Variants in PITHD1 observed in about 807,000 individuals in gnomAD.
The protein encoded by PITHD1 is PITH domain-containing protein 1.
Under a neutral mutation model 27.5 loss-of-function variants are expected in PITHD1, and 8 were observed. That is an observed-to-expected ratio of 0.29 (90% CI 0.17 to 0.52). The LOEUF (loss-of-function observed/expected upper bound fraction) is 0.52, where lower values mean the gene tolerates loss of function less well. Ranked by LOEUF, PITHD1 falls within the 20% of genes least tolerant of loss-of-function variation. The probability of loss-of-function intolerance (pLI) is 0.96; values close to 1 mark genes in which losing one functional copy is unlikely to be tolerated. For synonymous variants in PITHD1, 118 were observed against 106.8 expected (o/e 1.10, Z -0.64); for missense variants, 233 against 283.9 (o/e 0.82, Z 1.29).
chr1:23,783,392 TATATACGC>T (rs1557467186), intron 3 of PITHD1, among the ~76,000 whole-genome samples: 1 of 79,602 alleles, frequency 1.3e-5, no homozygotes. Context: ...TATATATACA[TATATACGC>T]ATATATACAC....
intron 3 of PITHD1, among the ~76,000 whole-genome samples, chr1:23,784,694 G>GA (rs1214656604): frequency 6.6e-6 from 1 of 151,976 alleles, no homozygotes; most frequent in Non-Finnish European, 1.5e-5. Context: ...ATTACTCTTT[G>GA]AAAAACATTT....
Position 23,779,493 on chromosome 1 carries a change from C to T in PITHD1, c.242+12C>T. On this transcript the variant is annotated intron_variant, in intron 2 of 5. Coordinates refer to ENST00000246151, the MANE Select transcript of PITHD1 (RefSeq NM_020362.5). The stretch of plus-strand genomic sequence containing the variant: ...CTGTTTAATATTCCGTAAGTATCTC[C>T]TTGGTGCCTACCTCAGGCTAAATAG... 3 of 1,604,560 alleles carry T rather than the reference C, an allele frequency of 1.9e-6. No individual in the cohort carries two copies. The highest frequency in any genetic ancestry group is 1.1e-5 in the South Asian group (1 of 90,952).
rs1418894881 is a variant in PITHD1 at position 23,788,113 on chromosome 1, T to TAA, written c.*738_*739insAA. 2.6e-5 allele frequency: 4 copies of TAA among 152,232 alleles called. No homozygotes were observed. The highest frequency in any genetic ancestry group is 6.5e-5 in the Admixed American group (1 of 15,276). The allele number at this position is 152,232 out of a possible 1,614,324, so 9.4% of individuals were successfully genotyped here. A position where few individuals can be genotyped will look rare whatever the true frequency, so the allele number is the denominator to read the frequency against. On this transcript the variant is annotated 3_prime_UTR_variant, in exon 6 of 6. Coordinates refer to ENST00000246151, the MANE Select transcript of PITHD1 (RefSeq NM_020362.5). ...TTCCCCTTGGAAATTCCTTAATGTT[T>TAA]ATTAGCTTCTAACTAGTGTTGTAAG...
chr1:23,783,651 C>T (rs1408730879), intron 3 of PITHD1, among the ~76,000 whole-genome samples: 9 of 151,554 alleles, frequency 5.9e-5, no homozygotes, highest in South Asian at 4.2e-4. Context: ...GACAGGGTTT[C>T]GCCATGTTGA....
Position 23,778,486 on chromosome 1 carries a change from C to T in PITHD1, c.-30C>T. Reference sequence around the variant, plus strand: ...GAGCCGAGCGAGCGCGGCGGTGGGGCCGAGAGGACGCGCAGGTGGCGGCGT... The same window carrying T: ...GAGCCGAGCGAGCGCGGCGGTGGGGTCGAGAGGACGCGCAGGTGGCGGCGT... On this transcript the variant is annotated 5_prime_UTR_variant, in exon 1 of 6. Transcript: ENST00000246151. The T allele has an allele frequency of 1.5e-6, 2 of 1,334,170 alleles. No individual in the cohort carries two copies. Among genetic ancestry groups the T allele is most frequent in the Non-Finnish European group, 1.9e-6 (2 of 1,045,648 alleles). 82.6% of individuals were successfully genotyped at this position (1,334,170 alleles called of 1,614,324 possible).
chr1:23,782,696 A>C (rs1264804908), intron 3 of PITHD1, among the ~76,000 whole-genome samples: 1 of 151,726 alleles, frequency 6.6e-6, no homozygotes. Flanking sequence ...CGACCTCCTC[A>C]GTTCAAGCAA....
At chr1:23,779,167 C>T (rs1197349018) in intron 1 of PITHD1, among the ~76,000 whole-genome samples, 2 of 152,196 alleles carry the variant, frequency 1.3e-5, no homozygotes, top group African/African-American at 4.8e-5. Context: ...TGCACATAAA[C>T]ACCTGCCTTT....
At chr1:23,785,487 T>A (rs1638668593) in intron 3 of PITHD1, among the ~76,000 whole-genome samples, 188 bp from the exon 4 acceptor site, 2 of 146,860 alleles carry the variant, frequency 1.4e-5, no homozygotes. Flanking sequence ...AGTGAGACTC[T>A]GTCTCAAAAA....
In PITHD1 at chr1:23,787,468, T is replaced by G. The variant is rs111948422; in HGVS notation, c.*92T>G. On this transcript the variant is annotated 3_prime_UTR_variant, in exon 6 of 6. Transcript: ENST00000246151. ...CAAAGGGATGAGGCTCCAGAGAGAG[T>G]TGGCTGCCACAGCCTCTGCCAAGCT... is the stretch of plus-strand genomic sequence containing the variant. 2.7e-6 allele frequency: 2 copies of G among 748,050 alleles called. No individual in the cohort carries two copies. Among genetic ancestry groups the G allele is most frequent in the Non-Finnish European group, 4.6e-6 (2 of 432,710 alleles). 46.3% of individuals were successfully genotyped at this position (748,050 alleles called of 1,614,324 possible). A position where few individuals can be genotyped will look rare whatever the true frequency, so the allele number is the denominator to read the frequency against.
chr1:23,781,605 C>A (rs921463281), intron 3 of PITHD1, among the ~76,000 whole-genome samples: 1 of 152,034 alleles, frequency 6.6e-6, no homozygotes, highest in Admixed American at 6.6e-5. Flanking sequence ...ACCTTTGATG[C>A]TTTTGGAGAC....
chr1:23,781,815 C>T (rs1638604554), intron 3 of PITHD1, among the ~76,000 whole-genome samples: 1 of 152,118 alleles, frequency 6.6e-6, no homozygotes, highest in African/African-American at 2.4e-5. Flanking sequence ...GCATACATAC[C>T]TCATAAGATT....
intron 3 of PITHD1, among the ~76,000 whole-genome samples, chr1:23,783,330 CATATATGTGTATATATACAT>C (rs1014658827): frequency 3.4e-5 from 5 of 147,526 alleles, no homozygotes; most frequent in Non-Finnish European, 6.0e-5. Context: ...TATATATACA[CATATATGTGTATATATACAT>C]ATATACGCAT....
chr1:23,781,956 C>T (rs1193741778), intron 3 of PITHD1, among the ~76,000 whole-genome samples: 1 of 152,018 alleles, frequency 6.6e-6, no homozygotes, highest in Non-Finnish European at 1.5e-5. Context: ...ATATATTATA[C>T]TTTATCAAAT....
intron 1 of PITHD1, 47 bp downstream of exon 1, chr1:23,778,760 G>C: frequency 9.1e-7 from 1 of 1,101,246 alleles, no homozygotes; most frequent in Non-Finnish European, 1.2e-6. Context: ...TGCGTGTGGG[G>C]CCTCGGGCCG....
intron 5 of PITHD1, among the ~76,000 whole-genome samples, chr1:23,787,040 G>A (rs531578516): frequency 6.6e-6 from 1 of 152,316 alleles, no homozygotes; most frequent in African/African-American, 2.4e-5. Flanking sequence ...ATAGTAGGGA[G>A]ACTGAATCTT....
chr1:23,783,985 A>G (rs1382532052), intron 3 of PITHD1, among the ~76,000 whole-genome samples: 2 of 152,304 alleles, frequency 1.3e-5, no homozygotes, highest in South Asian at 2.1e-4. Context: ...TTTCATCTCC[A>G]TACCAACCGT....
At chr1:23,778,766 G>A (rs897756695) in intron 1 of PITHD1, 53 bp downstream of exon 1, 51 of 1,068,428 alleles carry the variant, frequency 4.8e-5, no homozygotes, top group Non-Finnish European at 5.9e-5. Context: ...TGGGGCCTCG[G>A]GCCGTCGGTC....
At chr1:23,783,364 T>A (rs557198184) in intron 3 of PITHD1, among the ~76,000 whole-genome samples, 44 of 139,712 alleles carry the variant, frequency 3.1e-4, no homozygotes, top group South Asian at 9.1e-4. Context: ...TACGCATATA[T>A]ATATACACAT....
intron 1 of PITHD1, 162 bp from the exon 2 acceptor site, chr1:23,779,275 TG>T (rs756541373): frequency 1.7e-6 from 1 of 590,366 alleles, no homozygotes. Context: ...GTTATGACAC[TG>T]GATAAGACTG....
Sources: gnomAD v4.1 joint callset for allele counts (sites outside exome capture counted in the v4.1 genomes callset) on GRCh38, gnomAD v4.1.1 for gene constraint, MANE v1.5 for transcripts, NCBI Gene and HGNC (gene_info 2026-07-23, HGNC 2026-07-21) for gene names.